ARMH1: variants seen among roughly 807,000 people sequenced by gnomAD.
ARMH1 encodes armadillo like helical domain containing 1.
A neutral mutation model predicts 50.2 loss-of-function variants in ARMH1; 34 were observed. That is an observed-to-expected ratio of 0.68 (90% CI 0.51 to 0.90). ARMH1 has a LOEUF of 0.90. Among genes scored for constraint, ARMH1 ranks in the 40% least tolerant of loss-of-function variants. The probability of loss-of-function intolerance (pLI) is 0.00; values close to 1 mark genes in which losing one functional copy is unlikely to be tolerated. For missense variants in ARMH1, 538 were observed against 553.9 expected (o/e 0.97, Z 0.29); for synonymous variants, 221 against 224.2 (o/e 0.99, Z 0.13).
intron 6 of ARMH1, among the ~76,000 whole-genome samples, chr1:44,705,207 G>A (rs1646286865): frequency 6.6e-6 from 1 of 151,808 alleles, no homozygotes; most frequent in African/African-American, 2.4e-5. Context: ...ATAACCATAA[G>A]AGGCCAGGCA....
At chr1:44,701,535 T>G (rs958891549) in intron 5 of ARMH1, among the ~76,000 whole-genome samples, 1 of 151,798 alleles carries the variant, frequency 6.6e-6, no homozygotes, top group Non-Finnish European at 1.5e-5. Flanking sequence ...TCTCAGACAG[T>G]ACCCTCGGAT....
chr1:44,712,712 G>A (rs544399509), intron 6 of ARMH1, among the ~76,000 whole-genome samples: 12 of 149,066 alleles, frequency 8.1e-5, no homozygotes, highest in Non-Finnish European at 1.8e-4. Flanking sequence ...TGCCCAGGCT[G>A]GAGTGCAGTG....
chr1:44,677,541 C>T (rs1557507607), intron 1 of ARMH1, among the ~76,000 whole-genome samples: 1 of 152,154 alleles, frequency 6.6e-6, no homozygotes, highest in South Asian at 2.1e-4. Context: ...CATCTGAGAT[C>T]ATTGAATGAG....
In ARMH1 at chr1:44,724,449, G is replaced by A. The variant is rs932247381; in HGVS notation, c.920+57G>A. On this transcript the variant is annotated intron_variant, in intron 8 of 11. Coordinates refer to ENST00000535358, the MANE Select transcript of ARMH1 (RefSeq NM_001145636.2). The surrounding 1 kb of genome is among the most constrained non-coding windows in gnomAD (Gnocchi z 6.4). ...GCAAGCCTGGCTTGGCGCTGCCGGC[G>A]GGCCCCGGGAGCGCTCCGTGCGCCG... 7.8e-6 allele frequency: 12 copies of A among 1,533,258 alleles called. No individual in the cohort carries two copies. Among genetic ancestry groups the A allele is most frequent in the Non-Finnish European group, 1.1e-5 (12 of 1,140,870 alleles). 95.0% of individuals were successfully genotyped at this position (1,533,258 alleles called of 1,614,324 possible).
chr1:44,709,153 C>G (rs141853896), intron 6 of ARMH1, among the ~76,000 whole-genome samples: 248 of 152,286 alleles, frequency 1.6e-3, no homozygotes, highest in East Asian at 4.8e-3. Flanking sequence ...ATCACTCCCT[C>G]ACTTTCTTTT....
In ARMH1 at chr1:44,724,268, T is replaced by C; in HGVS notation, c.847+24T>C. On this transcript the variant is annotated intron_variant, in intron 7 of 11. Transcript: ENST00000535358. This position sits in a 1 kb window ranked among gnomAD's most constrained non-coding sequence, Gnocchi z 6.4. ...TGGTAAGGACCTGCTCAAATGGGGCTGCCTGGGCCACGGGAGGGCGGTCTC... is the reference window on the plus strand; with the variant it reads ...TGGTAAGGACCTGCTCAAATGGGGCCGCCTGGGCCACGGGAGGGCGGTCTC... 1 of 1,551,318 alleles carries C rather than the reference T, an allele frequency of 6.4e-7. No homozygotes were observed. The highest frequency in any genetic ancestry group is 8.7e-7 in the Non-Finnish European group (1 of 1,146,700).
intron 6 of ARMH1, among the ~76,000 whole-genome samples, chr1:44,709,830 C>T (rs1431288220): frequency 6.6e-6 from 1 of 151,824 alleles, no homozygotes; most frequent in Non-Finnish European, 1.5e-5. Context: ...GAGGGAGACT[C>T]CATCTCAAAA....
intron 3 of ARMH1, 150 bp downstream of exon 3, chr1:44,697,320 G>A: frequency 1.5e-6 from 1 of 648,000 alleles, no homozygotes; most frequent in Non-Finnish European, 2.7e-6. Context: ...ATGTCCACCG[G>A]GCTCCTGCTC....
At chr1:44,699,012 G>A (rs765262022) in intron 4 of ARMH1, among the ~76,000 whole-genome samples, 2 of 151,952 alleles carry the variant, frequency 1.3e-5, no homozygotes, top group African/African-American at 4.8e-5. Flanking sequence ...GCCAGGCGCG[G>A]TGGCTCACGC....
chr1:44,695,904 C>T (rs1333176366), intron 2 of ARMH1, among the ~76,000 whole-genome samples: 10 of 150,298 alleles, frequency 6.7e-5, no homozygotes, highest in Admixed American at 6.6e-5. Context: ...GTGATTGCAC[C>T]ACTGTGCCCC....
intron 6 of ARMH1, among the ~76,000 whole-genome samples, chr1:44,713,069 TGCAATG>T (rs1326404974): frequency 2.7e-5 from 4 of 149,774 alleles, no homozygotes; most frequent in Non-Finnish European, 5.9e-5. Flanking sequence ...CAGGCTGGAG[TGCAATG>T]GCAAGAGCTA....
In ARMH1 at chr1:44,701,001, C is replaced by CT. The variant is rs1173487658; in HGVS notation, c.524dup (p.Leu175PhefsTer14). 4 of 1,551,548 alleles carry CT rather than the reference C, an allele frequency of 2.6e-6. No individual in the cohort carries two copies. The highest frequency in any genetic ancestry group is 1.4e-5 in the African/African-American group (1 of 73,038). ...GAGGAAGTGCAGGTTCTGTTGGATT[C>CT]TTTGGTCCACGGCAATCCCAAGTAC... On this transcript the variant is annotated frameshift_variant, in exon 5 of 12. Coordinates refer to ENST00000535358, the MANE Select transcript of ARMH1 (RefSeq NM_001145636.2). LOFTEE classifies it high-confidence loss of function.
At chr1:44,704,328 T>A (rs1000643809) in intron 6 of ARMH1, among the ~76,000 whole-genome samples, 155 bp downstream of exon 6, 2 of 152,098 alleles carry the variant, frequency 1.3e-5, no homozygotes, top group African/African-American at 4.8e-5. Flanking sequence ...GTCACACCTA[T>A]GCCTTGCGTC....
At chr1:44,711,374 TTTAA>T (rs1646605633) in intron 6 of ARMH1, among the ~76,000 whole-genome samples, 2 of 152,240 alleles carry the variant, frequency 1.3e-5, no homozygotes, top group South Asian at 4.1e-4. Context: ...CTGGGGATTC[TTTAA>T]TTATAGCCAT....
Position 44,689,708 on chromosome 1 carries a change from T to C in ARMH1, c.11T>C (p.Ile4Thr). 1 of 1,551,948 alleles carries C rather than the reference T, an allele frequency of 6.4e-7. No homozygotes were observed. The highest frequency in any genetic ancestry group is 8.7e-7 in the Non-Finnish European group (1 of 1,147,022). Reference sequence around the variant, plus strand: ...CAGGACTGATTGATCATGACTTCTATAAAGGAGCAGGCAGCAATTAGCAGG... The same window carrying C: ...CAGGACTGATTGATCATGACTTCTACAAAGGAGCAGGCAGCAATTAGCAGG... The part of the protein sequence containing the change: MTS[I>T]KEQAAISRLL... Residue 4 changes from isoleucine (I) to threonine (T), a missense_variant, in exon 2 of 12, where the codon ATA (isoleucine) becomes ACA (threonine). By Grantham distance (89) the Ile-to-Thr change is moderately conservative. Coordinates refer to ENST00000535358, the MANE Select transcript of ARMH1 (RefSeq NM_001145636.2).
intron 2 of ARMH1, among the ~76,000 whole-genome samples, 197 bp downstream of exon 2, chr1:44,690,100 C>T (rs2148612127): frequency 6.6e-6 from 1 of 152,110 alleles, no homozygotes; most frequent in Non-Finnish European, 1.5e-5. Context: ...TGCCTGTAAC[C>T]CCAACTACTC....
chr1:44,721,835 G>GT (rs1647223974), intron 6 of ARMH1: 4 of 152,178 alleles, frequency 2.6e-5, no homozygotes, highest in South Asian at 2.1e-4. Context: ...ACTCATAGTT[G>GT]TTTTTCTCCA....
chr1:44,696,490 G>A (rs1025625857), intron 2 of ARMH1, among the ~76,000 whole-genome samples: 2 of 152,126 alleles, frequency 1.3e-5, no homozygotes, highest in African/African-American at 2.4e-5. Context: ...GAGCTGATGC[G>A]TGCTTTGGGT....
chr1:44,680,996 C>CTTT (rs1333237982), intron 1 of ARMH1, among the ~76,000 whole-genome samples: 2 of 138,920 alleles, frequency 1.4e-5, no homozygotes, highest in Non-Finnish European at 3.1e-5. Flanking sequence ...TTCCGATCCC[C>CTTT]TTTTTTTTTT....
Sources: gnomAD v4.1 joint callset for allele counts (sites outside exome capture counted in the v4.1 genomes callset) on GRCh38, gnomAD v4.1.1 for gene constraint, Gnocchi (gnomAD v3.1) non-coding constraint, MANE v1.5 for transcripts, NCBI Gene and HGNC (gene_info 2026-07-23, HGNC 2026-07-21) for gene names.